The following METTL2B variants were observed in gnomAD, a reference collection of about 807,000 sequenced individuals.
The protein encoded by METTL2B is methyltransferase 2B, tRNA N3-cytidine.
In METTL2B, 28 loss-of-function variants were observed where a neutral mutation model predicts 51.0. That is an observed-to-expected ratio of 0.55 (90% confidence interval 0.41 to 0.75). The LOEUF (loss-of-function observed/expected upper bound fraction) is 0.75, where lower values mean the gene tolerates loss of function less well. Ranked by LOEUF, METTL2B falls within the 30% of genes least tolerant of loss-of-function variation. The probability of loss-of-function intolerance (pLI) is 0.00; values close to 1 mark genes in which losing one functional copy is unlikely to be tolerated. For missense variants in METTL2B, 313 were observed against 460.7 expected, an observed-to-expected ratio of 0.68 and a Z score of 2.93; for synonymous variants, 128 against 166.3, an observed-to-expected ratio of 0.77 and a Z score of 1.77.
At position 128,488,153 on chromosome 7, in the gene METTL2B, C is replaced by T; in HGVS notation, c.661C>T (p.Leu221=). ...TGATTTTTCTTCCACAGCTATAGAA[C>T]TGGTCCAGGTGAGTACGATGGGAAA... ...CCDFSSTAIE[L]VQTNSEYDPS... The change falls in exon 5 of 9, where the codon CTG becomes TTG. Residue 221 remains leucine (L), a synonymous_variant. Coordinates refer to ENST00000262432, the MANE Select transcript of METTL2B (RefSeq NM_018396.3). 2 of 1,613,226 alleles carry T rather than the reference C, an allele frequency of 1.2e-6. No homozygotes were observed. The highest frequency in any genetic ancestry group is 2.2e-5 in the East Asian group (1 of 44,836).
At chr7:128,483,634 C>T (rs573379393) in intron 4 of METTL2B, among the ~76,000 whole-genome samples, 1 of 152,176 alleles carries the variant, frequency 6.6e-6, no homozygotes, top group Non-Finnish European at 1.5e-5. Flanking sequence ...CTCCGCCTCC[C>T]AGGTTCAAGC....
At chr7:128,501,481 A>G (rs2116870528) in intron 8 of METTL2B, 1 of 985,372 alleles carries the variant, frequency 1.0e-6, no homozygotes, top group Non-Finnish European at 1.2e-6. Context: ...GCTTTGACAT[A>G]CGTAGATAGT....
intron 5 of METTL2B, among the ~76,000 whole-genome samples, chr7:128,492,035 A>G (rs1366664663): frequency 1.3e-5 from 2 of 152,122 alleles, no homozygotes; most frequent in Admixed American, 6.6e-5. Flanking sequence ...ACAGGGTCTC[A>G]GTCACTCAGG....
In METTL2B at chr7:128,484,232, T is replaced by TGTTTGTTTTTG. The variant is rs775981883; in HGVS notation, c.608+3536_608+3537insGTTTGTTTTTG. On this transcript the variant is annotated intron_variant, in intron 4 of 8. Coordinates refer to ENST00000262432, the MANE Select transcript of METTL2B (RefSeq NM_018396.3). The stretch of plus-strand genomic sequence containing the variant: ...TGCCTAGATCCTTTTTTTTTTTTTT[T>TGTTTGTTTTTG]TTTTTTTTTTTTTGAGACAGGATTT... The TGTTTGTTTTTG allele has an allele frequency of 7.2e-5, 6 of 83,572 alleles. No individual in the cohort carries two copies. The East Asian group carries it at 2.4e-3, about 34-fold the overall frequency. 5.2% of individuals were successfully genotyped at this position (83,572 alleles called of 1,614,324 possible). A position where few individuals can be genotyped will look rare whatever the true frequency, so the allele number is the denominator to read the frequency against.
In METTL2B at chr7:128,498,126, G is replaced by A. The variant is rs569100057; in HGVS notation, c.900G>A (p.Gln300=). The A allele has an allele frequency of 4.3e-6, 7 of 1,613,882 alleles. No homozygotes were observed. The South Asian group carries it at 6.6e-5, about 15-fold the overall frequency. Residue 300 remains glutamine, a synonymous_variant, in exon 7 of 9, where the codon CAG becomes CAA. Transcript: ENST00000262432. The part of the protein sequence containing the change: ...LRDYGRYDMA[Q]LRFKKGQCLS... ...ATTACGGCCGCTATGACATGGCTCA[G>A]CTTCGGTTTAAAAAAGGTATTTTGA... is the stretch of plus-strand genomic sequence containing the variant.
Position 128,498,098 on chromosome 7 carries a change from G to A in METTL2B, c.872G>A (p.Arg291Gln), listed in dbSNP as rs375503082. 2.6e-5 allele frequency: 42 copies of A among 1,613,808 alleles called. No individual in the cohort carries two copies. The highest frequency in any genetic ancestry group is 5.0e-5 in the Admixed American group (3 of 59,958). Reference protein sequence around the residue: ...LLKPGGMVLLRDYGRYDMAQL... With the variant: ...LLKPGGMVLLQDYGRYDMAQL... ...AAACCTGGGGGGATGGTACTTCTGC[G>A]AGATTACGGCCGCTATGACATGGCT... Residue 291 changes from arginine (R) to glutamine (Q), a missense_variant, in exon 7 of 9, where the codon CGA becomes CAA. Coordinates refer to ENST00000262432, the MANE Select transcript of METTL2B (RefSeq NM_018396.3).
chr7:128,479,338 A>G lies in METTL2B; in HGVS notation c.383A>G (p.Asn128Ser). Reference protein sequence around the residue: ...ENKSEVCECRNNEDGPGLIME... With the variant: ...ENKSEVCECRSNEDGPGLIME... ...AAGAGTGAAGTATGTGAATGTAGAA[A>G]CAATGAGGATGGACCTGGTTTAATA... is the stretch of plus-strand genomic sequence containing the variant. The change falls in exon 3 of 9, where the codon AAC (asparagine) becomes AGC (serine). Residue 128 changes from asparagine (N) to serine (S), a missense_variant. Asn to Ser is a conservative substitution (Grantham distance 46, BLOSUM62 1). Around this residue, in one of 4 missense-constraint regions of METTL2B, gnomAD observed 67 missense variants for 101.4 expected, o/e 0.66. Coordinates refer to ENST00000262432, the MANE Select transcript of METTL2B (RefSeq NM_018396.3). 2 of 1,614,262 alleles carry G rather than the reference A, an allele frequency of 1.2e-6. No individual in the cohort carries two copies. The highest frequency in any genetic ancestry group is 2.2e-5 in the South Asian group (2 of 91,088).
At chr7:128,492,545 G>A (rs941728154) in intron 5 of METTL2B, among the ~76,000 whole-genome samples, 7 of 152,032 alleles carry the variant, frequency 4.6e-5, no homozygotes, top group Admixed American at 6.6e-5. Flanking sequence ...GCCTCCCAGG[G>A]TGCTGGGATT....
intron 5 of METTL2B, among the ~76,000 whole-genome samples, chr7:128,489,880 G>A (rs1792797447): frequency 2.0e-5 from 3 of 151,824 alleles, no homozygotes; most frequent in Non-Finnish European, 4.4e-5. Flanking sequence ...CGCCCGCCTC[G>A]GCCTCCCAAA....
At chr7:128,490,173 T>C (rs996694891) in intron 5 of METTL2B, among the ~76,000 whole-genome samples, 3 of 152,142 alleles carry the variant, frequency 2.0e-5, no homozygotes, top group Middle Eastern at 3.2e-3. Flanking sequence ...TGGAGTAGAT[T>C]TGATCTCAAT....
intron 7 of METTL2B, among the ~76,000 whole-genome samples, chr7:128,499,203 A>G (rs533940378): frequency 4.6e-4 from 70 of 152,356 alleles, no homozygotes; most frequent in African/African-American, 1.6e-3. Flanking sequence ...AAGCAGGTGA[A>G]GAGTGTTTAG....
At chr7:128,496,981 C>T (rs926179813) in intron 6 of METTL2B, among the ~76,000 whole-genome samples, 1 of 152,106 alleles carries the variant, frequency 6.6e-6, no homozygotes, top group Non-Finnish European at 1.5e-5. Context: ...CAGGGTTTCA[C>T]CATGTTGGTC....
intron 6 of METTL2B, among the ~76,000 whole-genome samples, chr7:128,496,141 C>T (rs74997904): frequency 0.071 from 10,562 of 147,824 alleles, 773 homozygotes; most frequent in East Asian, 0.26. Flanking sequence ...TCTAGAAGGC[C>T]ACACTTCCTC....
At chr7:128,499,517 CTTTTTTTTT>C (rs1297101344) in intron 7 of METTL2B, among the ~76,000 whole-genome samples, 16 of 119,910 alleles carry the variant, frequency 1.3e-4, no homozygotes, top group Admixed American at 1.7e-4. Context: ...TATTAACAGC[CTTTTTTTTT>C]TTTTTTTTTT....
At chr7:128,490,449 T>C (rs1792808626) in intron 5 of METTL2B, among the ~76,000 whole-genome samples, 1 of 151,702 alleles carries the variant, frequency 6.6e-6, no homozygotes, top group East Asian at 1.9e-4. Flanking sequence ...GATGATTCCA[T>C]TGGGGTTCTT....
At chr7:128,494,028 G>T (rs146100463) in intron 6 of METTL2B, 85 bp downstream of exon 6, 3 of 1,516,588 alleles carry the variant, frequency 2.0e-6, no homozygotes, top group Non-Finnish European at 2.7e-6. Context: ...GTCTTGCTCC[G>T]TCAGCCCAGG....
chr7:128,488,208 G>A (rs776559578), intron 5 of METTL2B, 47 bp downstream of exon 5: 2 of 1,592,924 alleles, frequency 1.3e-6, no homozygotes, highest in South Asian at 1.1e-5. Context: ...ACTGATTAAA[G>A]GGAAAAGGTT....
intron 3 of METTL2B, among the ~76,000 whole-genome samples, chr7:128,480,321 A>G (rs1799857726): frequency 6.6e-6 from 1 of 152,212 alleles, no homozygotes; most frequent in African/African-American, 2.4e-5. Flanking sequence ...TATTACAAAT[A>G]TTTTCACAAT....
intron 8 of METTL2B, 66 bp downstream of exon 8, chr7:128,501,034 G>A (rs1461610047): frequency 3.9e-5 from 63 of 1,605,754 alleles, no homozygotes; most frequent in Non-Finnish European, 4.9e-5. Flanking sequence ...GGCACATTCA[G>A]AAGGAAAACT....
Sources: allele counts gnomAD v4.1 joint callset (sites outside exome capture counted in the v4.1 genomes callset), GRCh38; gene constraint gnomAD v4.1.1; regional missense constraint gnomAD v4.1.1; transcripts MANE v1.5; gene names NCBI Gene and HGNC (gene_info 2026-07-23, HGNC 2026-07-21).